The following DCUN1D4 variants were observed in gnomAD, a reference collection of about 807,000 sequenced individuals.
DCUN1D4 encodes the protein defective in cullin neddylation 1 domain containing 4.
In DCUN1D4, 22 loss-of-function variants were observed where a neutral mutation model predicts 47.9. The ratio of observed to expected loss-of-function variants is 0.46; its 90% CI spans 0.33 to 0.66. DCUN1D4 has a LOEUF of 0.66. Ranked by LOEUF, DCUN1D4 falls within the 30% of genes least tolerant of loss-of-function variation. DCUN1D4 has a pLI of 0.02. For synonymous variants in DCUN1D4, 121 were observed against 112.2 expected (o/e 1.08, Z -0.50); for missense variants, 301 against 340.8 (o/e 0.88, Z 0.92).
chr4:51,876,529 C>T (rs1049798051), intron 4 of DCUN1D4, among the ~76,000 whole-genome samples: 1 of 152,174 alleles, frequency 6.6e-6, no homozygotes, highest in Admixed American at 6.5e-5. Context: ...TGTAACAAAC[C>T]TGCACGTTGT....
intron 1 of DCUN1D4, among the ~76,000 whole-genome samples, chr4:51,847,377 TAGTC>T (rs1722712432): frequency 6.6e-6 from 1 of 152,200 alleles, no homozygotes; most frequent in African/African-American, 2.4e-5. Context: ...AGCTTTTTAA[TAGTC>T]AAAGAAGAGA....
intron 5 of DCUN1D4, among the ~76,000 whole-genome samples, chr4:51,883,681 A>G (rs1455272866): frequency 2.0e-5 from 3 of 152,182 alleles, no homozygotes; most frequent in African/African-American, 7.2e-5. Context: ...ATTATTTTAC[A>G]CTTGGAAGGC....
intron 1 of DCUN1D4, chr4:51,845,054 G>T (rs756853706): frequency 4.6e-5 from 45 of 985,382 alleles, no homozygotes; most frequent in Admixed American, 6.1e-5. Flanking sequence ...ATTTCCCCCT[G>T]CATTTTGTGG....
chr4:51,856,302 G>T (rs1724129647), intron 1 of DCUN1D4, among the ~76,000 whole-genome samples: 1 of 152,178 alleles, frequency 6.6e-6, no homozygotes, highest in Non-Finnish European at 1.5e-5. Context: ...TTGTTCAGCT[G>T]TAGTTTAATA....
At position 51,863,480 on chromosome 4, in the gene DCUN1D4, T is replaced by G; in HGVS notation, c.69T>G (p.His23Gln). The change falls in exon 2 of 11, where the codon CAT becomes CAG. Residue 23 changes from histidine (H) to glutamine (Q), a missense_variant. By Grantham distance (24) the His-to-Gln change is conservative. Around this residue, in one of 2 missense-constraint regions of DCUN1D4, gnomAD observed 131 missense variants for 106.3 expected, o/e 1.23. Transcript: ENST00000334635. ...ATCTCTCAACACTGGCAAATATTCA[T>G]AAGATCTACCACACCCTTAATAAGC... ...NSHLSTLANI[H>Q]KIYHTLNKLN... 3 of 1,613,030 alleles carry G rather than the reference T, an allele frequency of 1.9e-6. No individual in the cohort carries two copies. The highest frequency in any genetic ancestry group is 2.5e-6 in the Non-Finnish European group (3 of 1,179,560).
At chr4:51,846,140 T>C (rs1722513835) in intron 1 of DCUN1D4, among the ~76,000 whole-genome samples, 1 of 152,224 alleles carries the variant, frequency 6.6e-6, no homozygotes, top group Non-Finnish European at 1.5e-5. Context: ...TTTATACACA[T>C]ATAGCCCACC....
chr4:51,871,025 T>C (rs1726804676), intron 3 of DCUN1D4, among the ~76,000 whole-genome samples: 1 of 151,928 alleles, frequency 6.6e-6, no homozygotes, highest in Non-Finnish European at 1.5e-5. Context: ...AGTGAGTCAG[T>C]GCCTGAACTA....
intron 3 of DCUN1D4, among the ~76,000 whole-genome samples, chr4:51,866,386 G>T (rs988095807): frequency 1.2e-4 from 14 of 119,960 alleles, no homozygotes; most frequent in Non-Finnish European, 1.4e-4. Flanking sequence ...TGGTGATGAT[G>T]ATGATGATGA....
At chr4:51,847,244 T>A (rs1255444328) in intron 1 of DCUN1D4, among the ~76,000 whole-genome samples, 1 of 152,172 alleles carries the variant, frequency 6.6e-6, no homozygotes, top group African/African-American at 2.4e-5. Flanking sequence ...TCTGCCTTAT[T>A]CTAAAAGAAT....
At chr4:51,863,614 T>G in intron 2 of DCUN1D4, 56 bp from the exon 3 acceptor site, 1 of 1,597,096 alleles carries the variant, frequency 6.3e-7, no homozygotes, top group Non-Finnish European at 8.6e-7. Flanking sequence ...ATCAGTTGTT[T>G]ATGAAAATGC....
chr4:51,875,759 A>G (rs954322813), intron 4 of DCUN1D4, among the ~76,000 whole-genome samples: 3 of 152,100 alleles, frequency 2.0e-5, no homozygotes, highest in Non-Finnish European at 4.4e-5. Flanking sequence ...GATGTTTTTG[A>G]GATTCTTGCA....
At chr4:51,894,774 C>T (rs1014512558) in intron 7 of DCUN1D4, among the ~76,000 whole-genome samples, 14 of 152,094 alleles carry the variant, frequency 9.2e-5, no homozygotes, top group Non-Finnish European at 1.5e-5. Context: ...ATTTTGATCT[C>T]AAACTAGAAT....
At chr4:51,887,568 C>T (rs1406777485) in intron 6 of DCUN1D4, among the ~76,000 whole-genome samples, 1 of 152,190 alleles carries the variant, frequency 6.6e-6, no homozygotes, top group East Asian at 1.9e-4. Context: ...TATACACATG[C>T]CCTGCCTCAT....
At chr4:51,879,269 T>G (rs1000043555) in intron 5 of DCUN1D4, among the ~76,000 whole-genome samples, 1 of 152,208 alleles carries the variant, frequency 6.6e-6, no homozygotes, top group African/African-American at 2.4e-5. Flanking sequence ...GTTCGTTTGA[T>G]TCATTGAACC....
chr4:51,910,824 A>G (rs2110140521), intron 8 of DCUN1D4: 1 of 535,260 alleles, frequency 1.9e-6, no homozygotes, highest in South Asian at 2.4e-5. Context: ...TTGATTTTGC[A>G]TTAGGGTGAT....
chr4:51,891,800 A>G lies in DCUN1D4; in HGVS notation c.455A>G (p.Asn152Ser), dbSNP rs1322728441. 17 of 1,613,564 alleles carry G rather than the reference A, an allele frequency of 1.1e-5. No homozygotes were observed. The highest frequency in any genetic ancestry group is 1.4e-5 in the Non-Finnish European group (17 of 1,179,704). ...LVLAWKLDAQ[N>S]MGYFTLQEWL... The stretch of plus-strand genomic sequence containing the variant: ...CTAGCTTGGAAATTGGATGCACAAA[A>G]CATGGGTTATTTTACTCTACAGGAG... Residue 152 changes from asparagine (N) to serine (S), a missense_variant, in exon 7 of 11, where the codon AAC (asparagine) becomes AGC (serine). Around this residue, in one of 2 missense-constraint regions of DCUN1D4, gnomAD observed 170 missense variants for 234.5 expected, o/e 0.73. Transcript: ENST00000334635.
chr4:51,869,448 G>A (rs1179129970), intron 3 of DCUN1D4, among the ~76,000 whole-genome samples: 1 of 152,110 alleles, frequency 6.6e-6, no homozygotes, highest in African/African-American at 2.4e-5. Context: ...AGTGAAACAA[G>A]GCTGTGATAC....
At chr4:51,888,170 C>T (rs889464878) in intron 6 of DCUN1D4, among the ~76,000 whole-genome samples, 3 of 151,974 alleles carry the variant, frequency 2.0e-5, no homozygotes, top group African/African-American at 7.3e-5. Context: ...CATGGGGTAC[C>T]GTAGTAAGTA....
intron 1 of DCUN1D4, chr4:51,845,074 T>C (rs1278330162): frequency 8.1e-6 from 8 of 985,274 alleles, no homozygotes; most frequent in Non-Finnish European, 9.6e-6. Flanking sequence ...GCCTTACTTG[T>C]GGAATAAATG....
Sources: gnomAD v4.1 joint callset for allele counts (sites outside exome capture counted in the v4.1 genomes callset) on GRCh38, gnomAD v4.1.1 for gene constraint, gnomAD v4.1.1 regional missense constraint, MANE v1.5 for transcripts, NCBI Gene and HGNC (gene_info 2026-07-23, HGNC 2026-07-21) for gene names.